Variants in MCF2L observed in about 807,000 individuals in gnomAD.
MCF2L encodes the protein guanine nucleotide exchange factor DBS.
In MCF2L, 97 loss-of-function variants were observed where a neutral mutation model predicts 153.4. The observed-to-expected ratio is 0.63, with a 90% confidence interval of 0.54 to 0.75. MCF2L has a LOEUF of 0.75. Among genes scored for constraint, MCF2L ranks in the 30% least tolerant of loss-of-function variants. The pLI is 0.00. For synonymous variants in MCF2L, 659 were observed against 632.2 expected (o/e 1.04, Z -0.64); for missense variants, 1,347 against 1,495.2 (o/e 0.90, Z 1.64).
At chr13:113,039,488 G>A (rs1345519590) in intron 3 of MCF2L, among the ~76,000 whole-genome samples, 1 of 152,174 alleles carries the variant, frequency 6.6e-6, no homozygotes. Context: ...TTAAAGTTAA[G>A]TTACTCTTTT....
intron 2 of MCF2L, among the ~76,000 whole-genome samples, chr13:112,903,056 A>G (rs577373267): frequency 6.6e-6 from 1 of 152,318 alleles, no homozygotes; most frequent in African/African-American, 2.4e-5. Context: ...TTTCTTCCCA[A>G]ATTGATTCCA....
intron 3 of MCF2L, among the ~76,000 whole-genome samples, chr13:113,030,425 C>A (rs894230715): frequency 6.9e-6 from 1 of 145,866 alleles, no homozygotes; most frequent in Non-Finnish European, 1.5e-5. Flanking sequence ...GGGTGTCCGC[C>A]GACGCCCGGT....
chr13:112,905,318 T>C (rs2081162005), intron 2 of MCF2L, among the ~76,000 whole-genome samples: 1 of 152,022 alleles, frequency 6.6e-6, no homozygotes, highest in Non-Finnish European at 1.5e-5. Flanking sequence ...CTGATCCTGA[T>C]TGGCTACTTC....
At position 113,084,085 on chromosome 13, in the gene MCF2L, G is replaced by C. The variant is rs1448903017; in HGVS notation, c.2061+18G>C. 1.2e-6 allele frequency: 2 copies of C among 1,604,892 alleles called. No individual in the cohort carries two copies. Among genetic ancestry groups the C allele is most frequent in the Admixed American group, 3.3e-5 (2 of 59,978 alleles). On this transcript the variant is annotated intron_variant, in intron 18 of 29. Transcript: ENST00000535094. ...TGGAGAGGGTAGGTGGTGTTTTGACGTGTATTTTGTCACAACTTCTTAAAA... is the reference window on the plus strand; with the variant it reads ...TGGAGAGGGTAGGTGGTGTTTTGACCTGTATTTTGTCACAACTTCTTAAAA...
At chr13:112,920,434 G>A (rs1390615657) in intron 2 of MCF2L, among the ~76,000 whole-genome samples, 1 of 152,100 alleles carries the variant, frequency 6.6e-6, no homozygotes, top group Non-Finnish European at 1.5e-5. Context: ...GGGGCACATT[G>A]TACCTGTTGA....
In MCF2L at chr13:112,901,747, A is replaced by G. The variant is rs148332333; in HGVS notation, c.-4-452A>G. Among the ~76,000 whole-genome samples the G allele has an allele frequency of 2.0e-5, 3 of 152,390 alleles. No individual in the cohort carries two copies. In the East Asian group the frequency reaches 5.8e-4, roughly 29 times the overall value. ...TTAAAGTTTCTGGAACTCGGAGGAC[A>G]TTCTCTACTTAGGGGATTTAGAAAT... On this transcript the variant is annotated intron_variant, in intron 1 of 29. Coordinates refer to the MCF2L transcript ENST00000375608.
upstream of MCF2L, chr13:112,968,341 A>G: frequency 7.6e-7 from 1 of 1,314,088 alleles, no homozygotes; most frequent in South Asian, 1.5e-5. Flanking sequence ...AGGAGAGCTC[A>G]GAGAGTTTCT....
chr13:112,982,036 G>T (rs1488045013), intron 1 of MCF2L, among the ~76,000 whole-genome samples: 1 of 152,212 alleles, frequency 6.6e-6, no homozygotes, highest in Non-Finnish European at 1.5e-5. Flanking sequence ...GAAGGTTGTG[G>T]GAAACTAGGC....
chr13:113,047,223 CCACCT>C (rs2086872611), intron 4 of MCF2L: 1 of 152,274 alleles, frequency 6.6e-6, no homozygotes, highest in Non-Finnish European at 1.5e-5. Flanking sequence ...CCACCAGGCC[CCACCT>C]CAGCACTGGG....
chr13:112,930,804 G>T (rs2081454840), intron 2 of MCF2L, among the ~76,000 whole-genome samples: 1 of 152,130 alleles, frequency 6.6e-6, no homozygotes, highest in African/African-American at 2.4e-5. Context: ...AGGCATGGTG[G>T]AGCGTGCCTG....
At position 112,974,710 on chromosome 13, in the gene MCF2L, C is replaced by T. The variant is rs543697456; in HGVS notation, c.79+5252C>T. On this transcript the variant is annotated intron_variant, in intron 1 of 29. Coordinates refer to ENST00000535094, the MANE Select transcript of MCF2L (RefSeq NM_001112732.3). Reference sequence around the variant, plus strand: ...GAAGCTGGCTCGGGAGACCTGCTTTCGCCATAATAAAAAACAAGGCATAAG... The same window carrying T: ...GAAGCTGGCTCGGGAGACCTGCTTTTGCCATAATAAAAAACAAGGCATAAG... Among the ~76,000 whole-genome samples the T allele has an allele frequency of 2.5e-4, 38 of 152,244 alleles. No individual in the cohort carries two copies. The South Asian group carries it at 3.3e-3, about 13-fold the overall frequency.
At chr13:113,066,619 A>G (rs2032404793) in intron 8 of MCF2L, among the ~76,000 whole-genome samples, 1 of 152,096 alleles carries the variant, frequency 6.6e-6, no homozygotes, top group Non-Finnish European at 1.5e-5. Context: ...TTCCAGCTTT[A>G]TAGCAGCACA....
intron 4 of MCF2L, among the ~76,000 whole-genome samples, chr13:113,052,101 A>T (rs4907579): frequency 1.3e-5 from 2 of 152,168 alleles, no homozygotes; most frequent in Non-Finnish European, 2.9e-5. Flanking sequence ...GTGAGGTGAC[A>T]GATCGGTTAA....
chr13:113,016,178 C>G (rs2084502692), intron 2 of MCF2L, among the ~76,000 whole-genome samples: 1 of 152,206 alleles, frequency 6.6e-6, no homozygotes, highest in South Asian at 2.1e-4. Flanking sequence ...TTTAAGGCCC[C>G]AAATCAGCTA....
chr13:113,031,100 CAGAGAG>C lies in MCF2L; in HGVS notation c.278+6346_278+6351del, dbSNP rs200095370. ...AGACAGATACAGACAGAGACAGAGA[CAGAGAG>C]AGACAGAGACAGAGAGTGACAGAGA... is the stretch of plus-strand genomic sequence containing the variant. On this transcript the variant is annotated intron_variant, in intron 3 of 29. Coordinates refer to ENST00000535094, the MANE Select transcript of MCF2L (RefSeq NM_001112732.3). This position sits in a 1 kb window ranked among gnomAD's most constrained non-coding sequence, Gnocchi z 5.5. 1.4e-5 allele frequency among the ~76,000 whole-genome samples: 2 copies of C among 141,348 alleles called. No homozygotes were observed. Among genetic ancestry groups the C allele is most frequent in the Admixed American group, 1.4e-4 (2 of 14,060 alleles). 92.7% of individuals were successfully genotyped at this position (141,348 alleles called of 152,430 possible).
At chr13:113,038,497 A>G (rs1364883040) in intron 3 of MCF2L, among the ~76,000 whole-genome samples, 1 of 151,940 alleles carries the variant, frequency 6.6e-6, no homozygotes, top group Admixed American at 6.6e-5. Flanking sequence ...AAATTAAAGT[A>G]GCATGAATAA....
chr13:112,962,264 C>T (rs1244397533), intron 2 of MCF2L, among the ~76,000 whole-genome samples: 1 of 152,110 alleles, frequency 6.6e-6, no homozygotes, highest in African/African-American at 2.4e-5. Flanking sequence ...CATGCTCACA[C>T]ATGTAGGCAC....
chr13:112,913,911 C>T (rs1409100549), intron 2 of MCF2L, among the ~76,000 whole-genome samples: 6 of 152,154 alleles, frequency 3.9e-5, no homozygotes, highest in African/African-American at 9.7e-5. Context: ...GACAGGCAGA[C>T]GTTGGGACTA....
In MCF2L at chr13:113,078,679, A is replaced by C; in HGVS notation, c.1748A>C (p.Glu583Ala). 6.2e-7 allele frequency: 1 copy of C among 1,612,106 alleles called. No homozygotes were observed. Among genetic ancestry groups the C allele is most frequent in the African/African-American group, 1.3e-5 (1 of 75,064 alleles). ...PYRRAKSEMS[E>A]SRQGRGSAGE... ...TTTTCTCCCCAGAGTGAGATGAGTG[A>C]GAGCCGGCAGGGCCGCGGCTCAGCG... The change falls in exon 15 of 30, where the codon GAG becomes GCG. Residue 583 changes from glutamate (E) to alanine (A), a missense_variant. This residue lies in a region of MCF2L where 820 missense variants were observed against 921.2 expected (regional missense o/e 0.89). Transcript: ENST00000535094.
Sources: allele counts gnomAD v4.1 joint callset (sites outside exome capture counted in the v4.1 genomes callset), GRCh38; gene constraint gnomAD v4.1.1; regional missense constraint gnomAD v4.1.1; non-coding constraint Gnocchi (gnomAD v3.1); transcripts MANE v1.5; gene names NCBI Gene and HGNC (gene_info 2026-07-23, HGNC 2026-07-21).